The following IQCK variants were observed in gnomAD, a reference collection of about 807,000 sequenced individuals.
IQCK encodes IQ domain-containing protein K.
IQCK carries 29 observed loss-of-function variants against 28.1 expected under a neutral mutation model. The ratio of observed to expected loss-of-function variants is 1.03; its 90% confidence interval spans 0.77 to 1.41. The LOEUF is 1.41. IQCK is among the 40% of genes most tolerant of loss of function. The pLI is 0.00. For missense variants in IQCK, 359 were observed against 314.7 expected (o/e 1.14, Z -1.07); for synonymous variants, 113 against 115.1 (o/e 0.98, Z 0.12).
chr16:19,753,800 G>A (rs2055017451), intron 4 of IQCK, among the ~76,000 whole-genome samples: 1 of 151,896 alleles, frequency 6.6e-6, no homozygotes. Context: ...TTGGCCTCTA[G>A]CAGAGTCAGC....
chr16:19,734,157 T>C, intron 3 of IQCK: 1 of 196,296 alleles, frequency 5.1e-6, no homozygotes, highest in Non-Finnish European at 1.0e-5. Context: ...GGAGGATTGC[T>C]TGAGCCCAGG....
chr16:19,736,062 C>T (rs1228294956), intron 4 of IQCK: 1 of 454,054 alleles, frequency 2.2e-6, no homozygotes, highest in Non-Finnish European at 4.4e-6. Context: ...AGACCCTCAA[C>T]TCAAAAAAAA....
intron 1 of IQCK, among the ~76,000 whole-genome samples, chr16:19,728,406 C>T (rs757434621): frequency 2.6e-5 from 4 of 152,066 alleles, no homozygotes; most frequent in Admixed American, 6.5e-5. Context: ...CCTGCCACCA[C>T]GCCCAGCTAA....
At chr16:19,821,936 T>C (rs1159281535) in intron 7 of IQCK, among the ~76,000 whole-genome samples, 1 of 151,284 alleles carries the variant, frequency 6.6e-6, no homozygotes, top group East Asian at 1.9e-4. Flanking sequence ...AAAAATTAGC[T>C]GGGTGTGGTG....
chr16:19,839,537 G>A (rs951210649), intron 9 of IQCK, among the ~76,000 whole-genome samples: 7 of 152,148 alleles, frequency 4.6e-5, no homozygotes, highest in African/African-American at 1.7e-4. Context: ...TCTGACAGCA[G>A]GGACCTTTCT....
chr16:19,757,236 T>G (rs569922328), intron 4 of IQCK, among the ~76,000 whole-genome samples: 1 of 152,242 alleles, frequency 6.6e-6, no homozygotes, highest in South Asian at 2.1e-4. Context: ...GGTGGAATTA[T>G]ATGAGTCATC....
At chr16:19,721,504 A>G (rs1013637082) in intron 1 of IQCK, among the ~76,000 whole-genome samples, 2 of 152,154 alleles carry the variant, frequency 1.3e-5, no homozygotes, top group African/African-American at 4.8e-5. Context: ...CAACACTTCT[A>G]ATCAAATCTT....
At chr16:19,760,493 G>C (rs562620069) in intron 4 of IQCK, among the ~76,000 whole-genome samples, 1 of 152,134 alleles carries the variant, frequency 6.6e-6, no homozygotes, top group Non-Finnish European at 1.5e-5. Context: ...TTCAGGAGCG[G>C]CTGGGCTTAA....
chr16:19,783,117 G>C (rs2055513541), intron 6 of IQCK, among the ~76,000 whole-genome samples: 1 of 151,920 alleles, frequency 6.6e-6, no homozygotes, highest in African/African-American at 2.4e-5. Context: ...TCCTGCCTCA[G>C]CCTCCTGAGT....
intron 9 of IQCK, among the ~76,000 whole-genome samples, chr16:19,840,044 A>AG (rs929303432): frequency 6.6e-6 from 1 of 151,610 alleles, no homozygotes; most frequent in Non-Finnish European, 1.5e-5. Context: ...AAAAAAAAAA[A>AG]ATTAAGGGAA....
At chr16:19,856,445 G>T (rs200342306) in intron 9 of IQCK, 42 bp from the exon 9 acceptor site, 17 of 1,548,356 alleles carry the variant, frequency 1.1e-5, no homozygotes, top group Admixed American at 1.7e-5. Context: ...GCCTGTCTAC[G>T]TATGTAAATT....
chr16:19,733,996 T>C (rs1977925048), intron 3 of IQCK, 169 bp downstream of exon 3: 1 of 591,808 alleles, frequency 1.7e-6, no homozygotes, highest in Non-Finnish European at 2.8e-6. Flanking sequence ...TGATTTATCT[T>C]TAAGGTTAAA....
intron 1 of IQCK, among the ~76,000 whole-genome samples, chr16:19,722,545 T>C (rs1977526984): frequency 6.6e-6 from 1 of 152,174 alleles, no homozygotes; most frequent in South Asian, 2.1e-4. Flanking sequence ...TCTTCCTCAT[T>C]TCTCCGAATA....
chr16:19,763,662 C>T (rs1220690267), intron 4 of IQCK, among the ~76,000 whole-genome samples, 186 bp from the exon 5 acceptor site: 1 of 152,134 alleles, frequency 6.6e-6, no homozygotes, highest in African/African-American at 2.4e-5. Flanking sequence ...AGACTGGTCT[C>T]GAACTCCTGA....
chr16:19,759,344 G>C (rs1278487766), intron 4 of IQCK, among the ~76,000 whole-genome samples: 1 of 152,114 alleles, frequency 6.6e-6, no homozygotes, highest in Non-Finnish European at 1.5e-5. Flanking sequence ...GAGTAGCTGG[G>C]ATTACAGGCA....
At chr16:19,814,809 A>G (rs1346327600) in intron 7 of IQCK, among the ~76,000 whole-genome samples, 1 of 135,190 alleles carries the variant, frequency 7.4e-6, no homozygotes, top group Non-Finnish European at 1.5e-5. Flanking sequence ...TTTTTTTGAG[A>G]CAGGGTCTCA....
At chr16:19,754,772 C>T (rs1032884680) in intron 4 of IQCK, among the ~76,000 whole-genome samples, 3 of 152,076 alleles carry the variant, frequency 2.0e-5, no homozygotes, top group Non-Finnish European at 4.4e-5. Flanking sequence ...AACTCTATTT[C>T]CTGGTCTTGA....
At chr16:19,763,336 G>A (rs943740928) in intron 4 of IQCK, among the ~76,000 whole-genome samples, 15 of 152,126 alleles carry the variant, frequency 9.9e-5, no homozygotes, top group Non-Finnish European at 1.8e-4. Context: ...CTCATCTTCA[G>A]GTTTAGTAGG....
chr16:19,816,068 A>G (rs1226459782), intron 7 of IQCK, among the ~76,000 whole-genome samples: 1 of 152,202 alleles, frequency 6.6e-6, no homozygotes, highest in Non-Finnish European at 1.5e-5. Flanking sequence ...TCTTTCCAGC[A>G]ACTGTAATAT....
Sources: gnomAD v4.1 joint callset for allele counts (sites outside exome capture counted in the v4.1 genomes callset) on GRCh38, gnomAD v4.1.1 for gene constraint, MANE v1.5 for transcripts, NCBI Gene and HGNC (gene_info 2026-07-23, HGNC 2026-07-21) for gene names.